The following FAR2 variants were observed in gnomAD, a reference collection of about 807,000 sequenced individuals.
FAR2 encodes the protein fatty acyl-CoA reductase 2, also known as epididymis secretory protein Li 81.
Under a neutral mutation model 56.0 loss-of-function variants are expected in FAR2, and 19 were observed. The ratio of observed to expected loss-of-function variants is 0.34; its 90% CI spans 0.24 to 0.50. The LOEUF is 0.50. FAR2 is among the 20% of genes least tolerant of loss of function. The pLI is 0.98. For synonymous variants in FAR2, 219 were observed against 218.8 expected, an observed-to-expected ratio of 1.00 and a Z score of -0.01; for missense variants, 508 against 642.2, an observed-to-expected ratio of 0.79 and a Z score of 2.26.
chr12:29,303,941 G>A (rs1949216315), intron 4 of FAR2, among the ~76,000 whole-genome samples: 1 of 152,210 alleles, frequency 6.6e-6, no homozygotes, highest in African/African-American at 2.4e-5. Context: ...TCTGGCTCAT[G>A]TTTGAGCCTG....
intron 1 of FAR2, among the ~76,000 whole-genome samples, chr12:29,248,452 G>T (rs188487214): frequency 1.3e-5 from 2 of 152,110 alleles, no homozygotes; most frequent in Non-Finnish European, 2.9e-5. Context: ...TTTCAAAAGG[G>T]GAGGGAGTGT....
intron 1 of FAR2, among the ~76,000 whole-genome samples, chr12:29,247,823 A>C (rs920481528): frequency 6.6e-6 from 1 of 152,244 alleles, no homozygotes; most frequent in Admixed American, 6.5e-5. Context: ...GATATTTTTC[A>C]TGCCATAGTA....
chr12:29,219,774 C>T (rs11050135), intron 1 of FAR2, among the ~76,000 whole-genome samples: 39,018 of 152,036 alleles, frequency 0.26, 6,389 homozygotes, highest in Admixed American at 0.4. Flanking sequence ...CAGAAGACCC[C>T]CAAAGGAGGA....
chr12:29,318,940 C>T (rs1488189289), intron 9 of FAR2, among the ~76,000 whole-genome samples: 1 of 152,020 alleles, frequency 6.6e-6, no homozygotes, highest in Non-Finnish European at 1.5e-5. Flanking sequence ...TGTCAATTGG[C>T]ACTACCACAA....
intron 1 of FAR2, among the ~76,000 whole-genome samples, chr12:29,223,031 A>T (rs1302976810): frequency 1.3e-5 from 2 of 152,172 alleles, no homozygotes; most frequent in East Asian, 3.9e-4. Context: ...TATTGTGCTT[A>T]GTATTTGCCA....
chr12:29,304,007 A>G (rs1413225817), intron 4 of FAR2, among the ~76,000 whole-genome samples: 1 of 152,236 alleles, frequency 6.6e-6, no homozygotes, highest in African/African-American at 2.4e-5. Flanking sequence ...CTCCATAAGC[A>G]TTAGGCTCAG....
chr12:29,260,429 A>G (rs1948397261), intron 1 of FAR2, among the ~76,000 whole-genome samples: 1 of 152,176 alleles, frequency 6.6e-6, no homozygotes, highest in African/African-American at 2.4e-5. Flanking sequence ...GCCAGAAGAT[A>G]CTGGCTTATG....
intron 1 of FAR2, among the ~76,000 whole-genome samples, chr12:29,177,097 C>T (rs999448846): frequency 5.3e-5 from 8 of 152,062 alleles, no homozygotes; most frequent in Non-Finnish European, 7.4e-5. Context: ...GAAATGCATT[C>T]GATTTAAATA....
At chr12:29,179,883 A>G (rs1409550323) in intron 1 of FAR2, among the ~76,000 whole-genome samples, 1 of 152,222 alleles carries the variant, frequency 6.6e-6, no homozygotes, top group Non-Finnish European at 1.5e-5. Flanking sequence ...AAACTCTTCT[A>G]TGACTACTTC....
At position 29,270,574 on chromosome 12, in the gene FAR2, T is replaced by C; in HGVS notation, c.125T>C (p.Ile42Thr). Residue 42 changes from isoleucine to threonine, a missense_variant, in exon 2 of 12, where the codon ATC becomes ACC. Coordinates refer to ENST00000536681, the MANE Select transcript of FAR2 (RefSeq NM_001271783.2). ...AGCCCAGACCTGAAAGTCATTTACATCCTTGTGAGGCCCAAGGCTGGCCAG... is the reference window on the plus strand; with the variant it reads ...AGCCCAGACCTGAAAGTCATTTACACCCTTGTGAGGCCCAAGGCTGGCCAG... ...RTSPDLKVIY[I>T]LVRPKAGQTL... The C allele has an allele frequency of 1.2e-6, 2 of 1,614,160 alleles. No individual in the cohort carries two copies. The highest frequency in any genetic ancestry group is 8.5e-7 in the Non-Finnish European group (1 of 1,180,000).
rs545507081 is a variant in FAR2 at position 29,225,686 on chromosome 12, A to G, written c.-38-44726A>G. Among the ~76,000 whole-genome samples, 138 of 152,292 alleles carry G rather than the reference A, an allele frequency of 9.1e-4. 2 individuals carry two copies. Among genetic ancestry groups the G allele is most frequent in the African/African-American group, 3.2e-3 (134 of 41,554 alleles). ...GACAATGGGGCAAATGCTTACTTGG[A>G]AATTCCAAAATAAACAAGCAGCGAA... On this transcript the variant is annotated intron_variant, in intron 1 of 11. Coordinates refer to ENST00000536681, the MANE Select transcript of FAR2 (RefSeq NM_001271783.2).
intron 1 of FAR2, among the ~76,000 whole-genome samples, chr12:29,204,024 G>GAAAAT (rs1947450106): frequency 1.2e-5 from 1 of 84,632 alleles, no homozygotes; most frequent in Admixed American, 1.3e-4. Flanking sequence ...AAAAAAAAAA[G>GAAAAT]AAAATTATGT....
At chr12:29,296,344 G>A (rs1232883151) in intron 3 of FAR2, among the ~76,000 whole-genome samples, 2 of 152,114 alleles carry the variant, frequency 1.3e-5, no homozygotes, top group Non-Finnish European at 2.9e-5. Context: ...CAGTTCTAGT[G>A]AATTTGTTTA....
chr12:29,238,852 A>G (rs1947981637), intron 1 of FAR2, among the ~76,000 whole-genome samples: 1 of 152,214 alleles, frequency 6.6e-6, no homozygotes, highest in Admixed American at 6.5e-5. Context: ...TTTATAACAA[A>G]TGACCCAAAC....
intron 1 of FAR2, among the ~76,000 whole-genome samples, chr12:29,230,708 G>C (rs540132282): frequency 1.2e-4 from 18 of 152,214 alleles, no homozygotes; most frequent in African/African-American, 4.3e-4. Flanking sequence ...GAGCTGATGG[G>C]ATTTGCCAAA....
intron 11 of FAR2, 81 bp downstream of exon 11, chr12:29,332,808 G>A (rs1275342833): frequency 1.5e-6 from 2 of 1,324,868 alleles, no homozygotes; most frequent in Middle Eastern, 1.8e-4. Flanking sequence ...TTGTGCAGAG[G>A]AGAATGAACA....
chr12:29,161,697 C>T (rs1949783655), intron 1 of FAR2, among the ~76,000 whole-genome samples: 1 of 152,228 alleles, frequency 6.6e-6, no homozygotes, highest in Non-Finnish European at 1.5e-5. Context: ...TTTAATAAAT[C>T]TGCCAAAGCG....
intron 1 of FAR2, among the ~76,000 whole-genome samples, chr12:29,248,148 G>C (rs1254752306): frequency 6.6e-6 from 1 of 152,200 alleles, no homozygotes; most frequent in Admixed American, 6.5e-5. Context: ...CTGAACTGGA[G>C]TGAAGCTCTG....
chr12:29,186,851 C>G (rs1325086387), intron 1 of FAR2, among the ~76,000 whole-genome samples: 2 of 151,970 alleles, frequency 1.3e-5, no homozygotes, highest in Non-Finnish European at 2.9e-5. Context: ...TGCAGTGGCG[C>G]AATCTCGGCT....
Sources: gnomAD v4.1 joint callset for allele counts (sites outside exome capture counted in the v4.1 genomes callset) on GRCh38, gnomAD v4.1.1 for gene constraint, MANE v1.5 for transcripts, NCBI Gene and HGNC (gene_info 2026-07-23, HGNC 2026-07-21) for gene names.